Variants in CALD1 observed in about 807,000 individuals in gnomAD.
CALD1 encodes caldesmon.
CALD1 carries 33 observed loss-of-function variants against 99.9 expected under a neutral mutation model. The ratio of observed to expected loss-of-function variants is 0.33; its 90% confidence interval spans 0.25 to 0.44. The LOEUF (loss-of-function observed/expected upper bound fraction) is 0.44. Ranked by LOEUF, CALD1 falls within the 20% of genes least tolerant of loss-of-function variation. CALD1 has a pLI of 1.00. For missense variants in CALD1, 861 were observed against 962.1 expected (o/e 0.89, Z 1.39); for synonymous variants, 310 against 325.0 (o/e 0.95, Z 0.50).
chr7:134,792,798 C>A (rs150203047), intron 1 of CALD1, among the ~76,000 whole-genome samples: 2 of 152,288 alleles, frequency 1.3e-5, no homozygotes, highest in Non-Finnish European at 2.9e-5. Flanking sequence ...TGGTAGAAAT[C>A]CATATGGCAC....
At chr7:134,904,148 A>C (rs533958013) in intron 3 of CALD1, among the ~76,000 whole-genome samples, 108 of 152,170 alleles carry the variant, frequency 7.1e-4, no homozygotes, top group African/African-American at 2.6e-3. Context: ...ACTTTAACCC[A>C]GGAGGCAGAG....
At chr7:134,795,325 A>G (rs547681515) in intron 1 of CALD1, among the ~76,000 whole-genome samples, 2 of 152,192 alleles carry the variant, frequency 1.3e-5, no homozygotes, top group African/African-American at 4.8e-5. Context: ...AACTCTCACG[A>G]GATCTGATGG....
chr7:134,826,135 A>G (rs1016669956), intron 1 of CALD1, among the ~76,000 whole-genome samples: 1 of 152,184 alleles, frequency 6.6e-6, no homozygotes, highest in Admixed American at 6.6e-5. Flanking sequence ...CAAAACTAGC[A>G]TTTTTAAATT....
chr7:134,849,232 T>C (rs1799977040), intron 2 of CALD1, among the ~76,000 whole-genome samples: 1 of 152,234 alleles, frequency 6.6e-6, no homozygotes, highest in South Asian at 2.1e-4. Context: ...GCACTGGCTA[T>C]ATCTGTAAAT....
intron 1 of CALD1, among the ~76,000 whole-genome samples, chr7:134,773,284 T>A (rs1034197931): frequency 2.6e-5 from 4 of 151,998 alleles, no homozygotes; most frequent in African/African-American, 9.7e-5. Flanking sequence ...AACTTTTTTT[T>A]TTTTTTTCAG....
At chr7:134,837,292 T>A (rs1022120966) in intron 1 of CALD1, among the ~76,000 whole-genome samples, 4 of 151,960 alleles carry the variant, frequency 2.6e-5, no homozygotes, top group African/African-American at 9.7e-5. Context: ...ACTAGGTACT[T>A]TATATGTTAT....
intron 3 of CALD1, among the ~76,000 whole-genome samples, chr7:134,895,503 C>G (rs911442105): frequency 5.3e-5 from 8 of 152,048 alleles, no homozygotes; most frequent in African/African-American, 1.9e-4. Flanking sequence ...AAAAATGGGT[C>G]CAGTTATTAT....
At chr7:134,844,251 T>C (rs1799764509) in intron 2 of CALD1, 1 of 152,110 alleles carries the variant, frequency 6.6e-6, no homozygotes, top group Non-Finnish European at 1.5e-5. Context: ...CACAAAACAG[T>C]CCTGGATCAA....
intron 1 of CALD1, among the ~76,000 whole-genome samples, chr7:134,836,338 A>G (rs1019831405): frequency 5.9e-5 from 9 of 152,098 alleles, no homozygotes; most frequent in African/African-American, 2.2e-4. Flanking sequence ...GACTGCATCC[A>G]TTGGAAAATT....
chr7:134,877,773 T>A (rs1025323037), intron 3 of CALD1, among the ~76,000 whole-genome samples: 1 of 152,190 alleles, frequency 6.6e-6, no homozygotes, highest in Non-Finnish European at 1.5e-5. Flanking sequence ...AATCTATGGT[T>A]TCATTACCAT....
At chr7:134,720,671 CTTAACA>C in the CALD1 span, among the ~76,000 whole-genome samples, 1 of 152,132 alleles carries the variant, frequency 6.6e-6, no homozygotes. Flanking sequence ...AAAACAAACG[CTTAACA>C]TGCACTCATA....
At chr7:134,761,940 C>T (rs943129964) in intron 1 of CALD1, among the ~76,000 whole-genome samples, 8 of 152,112 alleles carry the variant, frequency 5.3e-5, no homozygotes, top group South Asian at 2.1e-4. Context: ...TTAGCAGGAA[C>T]GGACCTGGGA....
At chr7:134,936,838 G>A (rs774020809) in intron 6 of CALD1, among the ~76,000 whole-genome samples, 3 of 152,186 alleles carry the variant, frequency 2.0e-5, no homozygotes, top group Non-Finnish European at 2.9e-5. Flanking sequence ...AATTGAATGT[G>A]AGCACAGGCC....
At chr7:134,958,007 T>C in intron 9 of CALD1, 62 bp from the exon 10 acceptor site, 1 of 1,264,996 alleles carries the variant, frequency 7.9e-7, no homozygotes, top group Non-Finnish European at 1.2e-6. Context: ...TGGCCTGGGC[T>C]GAGAAACACT....
chr7:134,750,589 T>C (rs1042502659), intron 1 of CALD1, among the ~76,000 whole-genome samples: 8 of 152,182 alleles, frequency 5.3e-5, no homozygotes, highest in Non-Finnish European at 1.0e-4. Flanking sequence ...TGTTTATCCT[T>C]TCCATTCCTA....
At chr7:134,725,501 T>A in the CALD1 span, among the ~76,000 whole-genome samples, 1 of 151,556 alleles carries the variant, frequency 6.6e-6, no homozygotes, top group East Asian at 1.9e-4. Context: ...ATAGCATTAA[T>A]ATCACCCTTA....
rs140399934 is a variant in CALD1, at chr7:134,753,920, C to T, written c.-130+9557C>T. ...TGCAAACTCTGGCTTTGCAAGCTCC[C>T]CTAGCTGCATTGACTTGAAGCAGGC... is the stretch of plus-strand genomic sequence containing the variant. On this transcript the variant is annotated intron_variant, in intron 1 of 13. Coordinates refer to the CALD1 transcript ENST00000417172. 1.9e-3 allele frequency among the ~76,000 whole-genome samples: 290 copies of T among 152,324 alleles called. 1 individual carries two copies. Among genetic ancestry groups the T allele is most frequent in the African/African-American group, 6.6e-3 (273 of 41,566 alleles).
intron 14 of CALD1, among the ~76,000 whole-genome samples, chr7:134,967,745 C>T (rs1808782693): frequency 6.6e-6 from 1 of 151,924 alleles, no homozygotes; most frequent in Admixed American, 6.6e-5. Context: ...TTACTTGACT[C>T]TAAATGCTAT....
Position 134,833,297 on chromosome 7 carries a change from G to T in CALD1, c.-129-10587G>T, listed in dbSNP as rs557929535. 2.6e-5 allele frequency among the ~76,000 whole-genome samples: 4 copies of T among 152,256 alleles called. No homozygotes were observed. The South Asian group carries it at 6.2e-4, about 24-fold the overall frequency. The stretch of plus-strand genomic sequence containing the variant: ...TATCCTTTGGAGATAAACATTATGG[G>T]ATGTTCAATATGAAATATCTTATTA... On this transcript the variant is annotated intron_variant, in intron 1 of 14. Coordinates refer to ENST00000361675, the MANE Select transcript of CALD1 (RefSeq NM_033138.4).
Sources: allele counts gnomAD v4.1 joint callset (sites outside exome capture counted in the v4.1 genomes callset), GRCh38; gene constraint gnomAD v4.1.1; transcripts MANE v1.5; gene names NCBI Gene and HGNC (gene_info 2026-07-23, HGNC 2026-07-21).